The following RAB11FIP1 variants were observed in gnomAD, a reference collection of about 807,000 sequenced individuals.
RAB11FIP1 encodes the protein rab11 family-interacting protein 1.
RAB11FIP1 carries 49 observed loss-of-function variants against 83.1 expected under a neutral mutation model. The observed-to-expected ratio is 0.59, with a 90% CI of 0.47 to 0.75. The LOEUF (loss-of-function observed/expected upper bound fraction) is 0.75, where lower values mean the gene tolerates loss of function less well. RAB11FIP1 is among the 30% of genes least tolerant of loss of function. RAB11FIP1 has a pLI of 0.00. For synonymous variants in RAB11FIP1, 670 were observed against 656.0 expected, an observed-to-expected ratio of 1.02 and a Z score of -0.33; for missense variants, 1,536 against 1,598.7, an observed-to-expected ratio of 0.96 and a Z score of 0.67.
At chr8:37,865,124 G>A (rs1418339739) in intron 5 of RAB11FIP1, among the ~76,000 whole-genome samples, 4 of 151,708 alleles carry the variant, frequency 2.6e-5, no homozygotes, top group South Asian at 2.1e-4. Flanking sequence ...CAAAGAATAC[G>A]TCCTCAAGGG....
rs1173106366 is a variant in RAB11FIP1 at position 37,871,482 on chromosome 8, G to A, written c.3320C>T (p.Thr1107Ile). Residue 1107 changes from threonine (T) to isoleucine (I), a missense_variant, in exon 4 of 6, where the codon ACA (threonine) becomes ATA (isoleucine). Transcript: ENST00000330843. ...SPSPSEIFPV[T>I]HSFPSSAHSD... is the part of the protein sequence containing the mutation. ...ATGTGCAGAGCTGGGGAAAGAGTGT[G>A]TGACAGGAAAGATCTCAGAAGGGGA... The A allele has an allele frequency of 2.5e-6, 4 of 1,613,514 alleles. No individual in the cohort carries two copies. The highest frequency in any genetic ancestry group is 1.7e-5 in the Admixed American group (1 of 59,932).
At chr8:37,896,079 G>T (rs571390976) in intron 1 of RAB11FIP1, among the ~76,000 whole-genome samples, 1 of 152,170 alleles carries the variant, frequency 6.6e-6, no homozygotes, top group Admixed American at 6.5e-5. Flanking sequence ...GGAGGCTGAG[G>T]CGGGTGGATC....
At chr8:37,897,255 A>G (rs1165363693) in intron 1 of RAB11FIP1, among the ~76,000 whole-genome samples, 2 of 151,730 alleles carry the variant, frequency 1.3e-5, no homozygotes, top group Non-Finnish European at 2.9e-5. Context: ...TTGCAAGCCT[A>G]CATGCTGAAA....
rs7815364 is a variant in RAB11FIP1 at position 37,875,065 on chromosome 8, T to C, written c.1072A>G (p.Thr358Ala). 1.6e-5 allele frequency: 26 copies of C among 1,614,126 alleles called. No individual in the cohort carries two copies. Among genetic ancestry groups the C allele is most frequent in the Admixed American group, 3.3e-5 (2 of 60,022 alleles). The stretch of plus-strand genomic sequence containing the variant: ...CAAGACCCAGCCGCCAGGTTCTCTG[T>C]AGAAGAGAACAAATGCTTCTTTCTG... ...GFRKKHLFSS[T>A]ENLAAGSWKE... Residue 358 changes from threonine to alanine, a missense_variant, in exon 3 of 6, where the codon ACA becomes GCA. Thr to Ala is a moderately conservative substitution (Grantham distance 58). Transcript: ENST00000330843.
At chr8:37,879,010 TAA>T (rs1269527342) in intron 1 of RAB11FIP1, among the ~76,000 whole-genome samples, 1 of 151,966 alleles carries the variant, frequency 6.6e-6, no homozygotes, top group Non-Finnish European at 1.5e-5. Context: ...AAGAATTTTT[TAA>T]AAGAGTGAAA....
At position 37,872,341 on chromosome 8, in the gene RAB11FIP1, C is replaced by T. The variant is rs779369702; in HGVS notation, c.2461G>A (p.Val821Met). 2.7e-5 allele frequency: 44 copies of T among 1,614,234 alleles called. No individual in the cohort carries two copies. The highest frequency in any genetic ancestry group is 3.6e-5 in the Non-Finnish European group (43 of 1,180,040). Residue 821 changes from valine (V) to methionine (M), a missense_variant, in exon 4 of 6, where the codon GTG becomes ATG. Physicochemically the swap from Val to Met is conservative, Grantham distance 21. Transcript: ENST00000330843. ...FSEQLFTEEAVAGAALLVEGH... is the reference protein window; with the variant it reads ...FSEQLFTEEAMAGAALLVEGH... ...TCCACCAGCAAGGCAGCCCCCGCCA[C>T]TGCCTCTTCCGTGAAGAGCTGCTCA...
chr8:37,871,860 T>A lies in RAB11FIP1; in HGVS notation c.2942A>T (p.Gln981Leu), dbSNP rs1806472349. 1.2e-6 allele frequency: 2 copies of A among 1,614,080 alleles called. No individual in the cohort carries two copies. The highest frequency in any genetic ancestry group is 1.7e-6 in the Non-Finnish European group (2 of 1,180,004). ...TGCTGTCTCTCCATCATCTTCAACCTGATCTCCGTCATCTTCAACCTGATC... is the reference window on the plus strand; with the variant it reads ...TGCTGTCTCTCCATCATCTTCAACCAGATCTCCGTCATCTTCAACCTGATC... ...RIDQVEDDGDQVEDDGETAKS... is the reference protein window; with the variant it reads ...RIDQVEDDGDLVEDDGETAKS... The change falls in exon 4 of 6, where the codon CAG (glutamine) becomes CTG (leucine). Residue 981 changes from glutamine (Q) to leucine (L), a missense_variant. Transcript: ENST00000330843.
chr8:37,889,641 T>C (rs1806907335), intron 1 of RAB11FIP1, among the ~76,000 whole-genome samples: 2 of 152,344 alleles, frequency 1.3e-5, no homozygotes, highest in African/African-American at 4.8e-5. Flanking sequence ...AACTTCAGCA[T>C]GACTGACATC....
chr8:37,861,925 C>G lies in RAB11FIP1; in HGVS notation c.*970G>C, dbSNP rs1455719794. 4.4e-6 allele frequency: 1 copy of G among 228,846 alleles called. No individual in the cohort carries two copies. Among genetic ancestry groups the G allele is most frequent in the Non-Finnish European group, 8.8e-6 (1 of 113,146 alleles). 14.2% of individuals were successfully genotyped at this position (228,846 alleles called of 1,614,324 possible). A position where few individuals can be genotyped will look rare whatever the true frequency, so the allele number is the denominator to read the frequency against. On this transcript the variant is annotated 3_prime_UTR_variant, in exon 6 of 6. Coordinates refer to ENST00000330843, the MANE Select transcript of RAB11FIP1 (RefSeq NM_001002814.3). ...CTTCATCTTGGGGAGTTGGTGGACC[C>G]TGTCTCTGCCCCTTACAAGGAGTGT...
chr8:37,876,204 G>GAAAA (rs1287418265), intron 2 of RAB11FIP1, among the ~76,000 whole-genome samples: 1 of 113,796 alleles, frequency 8.8e-6, no homozygotes, highest in Non-Finnish European at 1.9e-5. Context: ...CAAAAGAAAA[G>GAAAA]AAAAGAAAGA....
chr8:37,871,837 C>T lies in RAB11FIP1; in HGVS notation c.2965G>A (p.Ala989Thr), dbSNP rs1302528147. ...GDQVEDDGETAKSSTLDIGAL... is the reference protein window; with the variant it reads ...GDQVEDDGETTKSSTLDIGAL... ...CCTATGTCCAGAGTTGACGACTTTG[C>T]TGTCTCTCCATCATCTTCAACCTGA... The change falls in exon 4 of 6, where the codon GCA (alanine) becomes ACA (threonine). Residue 989 changes from alanine (A) to threonine (T), a missense_variant. Physicochemically the swap from Ala to Thr is moderately conservative, Grantham distance 58 (BLOSUM62 0). Coordinates refer to ENST00000330843, the MANE Select transcript of RAB11FIP1 (RefSeq NM_001002814.3). 3 of 1,614,078 alleles carry T rather than the reference C, an allele frequency of 1.9e-6. No homozygotes were observed. The African/African-American group carries it at 4.0e-5, about 22-fold the overall frequency.
rs544128998 is a variant in RAB11FIP1, at chr8:37,875,132, G to C, written c.1005C>G (p.Ile335Met). The change falls in exon 3 of 6, where the codon ATC becomes ATG. Residue 335 changes from isoleucine (I) to methionine (M), a missense_variant. By Grantham distance (10) the Ile-to-Met change is conservative. Coordinates refer to ENST00000330843, the MANE Select transcript of RAB11FIP1 (RefSeq NM_001002814.3). ...GGGAGGAGGACGGGCTGCTATCCTT[G>C]ATCTCACCCTTGGCTTCTGGCTGCT... Reference protein sequence around the residue: ...YLEQPEAKGEIKDSSPSSSPS... With the variant: ...YLEQPEAKGEMKDSSPSSSPS... 9 of 1,614,130 alleles carry C rather than the reference G, an allele frequency of 5.6e-6. 2 individuals carry two copies. The highest frequency in any genetic ancestry group is 5.3e-5 in the African/African-American group (4 of 75,032).
intron 5 of RAB11FIP1, 139 bp from the exon 6 acceptor site, chr8:37,863,252 T>TTCTTTCTTTCTTTCTTTCTTTCTTTCTC (rs1563364355): frequency 1.5e-6 from 1 of 653,592 alleles, no homozygotes; most frequent in African/African-American, 1.8e-5. Context: ...CTTTCTTTCT[T>TTCTTTCTTTCTTTCTTTCTTTCTTTCTC]TCTTTCTTTT....
intron 1 of RAB11FIP1, among the ~76,000 whole-genome samples, chr8:37,896,575 G>C (rs903503404): frequency 1.3e-5 from 2 of 152,062 alleles, no homozygotes; most frequent in African/African-American, 4.8e-5. Context: ...ATAATAGGTG[G>C]GAGTTATTGT....
chr8:37,898,742 C>G (rs112809378), intron 1 of RAB11FIP1, among the ~76,000 whole-genome samples: 2,213 of 151,426 alleles, frequency 0.015, 59 homozygotes, highest in African/African-American at 0.05. Flanking sequence ...ATCACGTGAA[C>G]CTGCGAGGCG....
intron 1 of RAB11FIP1, among the ~76,000 whole-genome samples, chr8:37,895,881 GACAC>G (rs374289320): frequency 2.7e-5 from 4 of 150,016 alleles, no homozygotes; most frequent in Non-Finnish European, 4.5e-5. Flanking sequence ...CAGACAGAGA[GACAC>G]ACACACACAC....
chr8:37,862,465 C>A lies in RAB11FIP1; in HGVS notation c.*430G>T. On this transcript the variant is annotated 3_prime_UTR_variant, in exon 6 of 6. Transcript: ENST00000330843. ...TATGTGTATGTAACACAGCACCAAT[C>A]GCATGGTCCTTTTCTCATTTAAAGC... is the stretch of plus-strand genomic sequence containing the variant. The A allele has an allele frequency of 6.0e-6, 1 of 165,792 alleles. No individual in the cohort carries two copies. The allele number at this position is 165,792 out of a possible 1,614,324, so 10.3% of individuals were successfully genotyped here.
At chr8:37,873,893 A>C (rs1010174344) in intron 3 of RAB11FIP1, among the ~76,000 whole-genome samples, 1 of 148,848 alleles carries the variant, frequency 6.7e-6, no homozygotes, top group Admixed American at 6.6e-5. Flanking sequence ...GTGTGTGTGC[A>C]TGTCAAAGTA....
intron 5 of RAB11FIP1, 34 bp from the exon 6 acceptor site, chr8:37,863,147 G>A: frequency 1.3e-6 from 2 of 1,560,108 alleles, no homozygotes; most frequent in Non-Finnish European, 1.8e-6. Context: ...GGAAAAAGGA[G>A]TTATAAAATT....
Sources: gnomAD v4.1 joint callset for allele counts (sites outside exome capture counted in the v4.1 genomes callset) on GRCh38, gnomAD v4.1.1 for gene constraint, MANE v1.5 for transcripts, NCBI Gene and HGNC (gene_info 2026-07-23, HGNC 2026-07-21) for gene names.